Variants in MED13 observed in about 807,000 individuals in gnomAD.
MED13 encodes the protein mediator complex subunit 13, also known as mediator of RNA polymerase II transcription subunit 13.
MED13 carries 23 observed loss-of-function variants against 225.2 expected under a neutral mutation model. That is an observed-to-expected ratio of 0.10 (90% CI 0.07 to 0.14). MED13 has a LOEUF of 0.14. MED13 is among the 10% of genes least tolerant of loss of function. The probability of loss-of-function intolerance (pLI) is 1.00; values close to 1 mark genes in which losing one functional copy is unlikely to be tolerated. For missense variants in MED13, 2,197 were observed against 2,594.5 expected, an observed-to-expected ratio of 0.85 and a Z score of 3.33; for synonymous variants, 942 against 889.2, an observed-to-expected ratio of 1.06 and a Z score of -1.06.
intron 17 of MED13, 93 bp downstream of exon 17, chr17:61,972,634 T>A: frequency 8.3e-7 from 1 of 1,198,402 alleles, no homozygotes; most frequent in Non-Finnish European, 1.2e-6. Flanking sequence ...CACAAATATA[T>A]TTAAAGAAAA....
rs774354804 is a variant in MED13, at chr17:61,955,506, C to A, written c.5844G>T (p.Gln1948His). The A allele has an allele frequency of 6.3e-7, 1 of 1,594,902 alleles. No individual in the cohort carries two copies. Among genetic ancestry groups the A allele is most frequent in the African/African-American group, 1.4e-5 (1 of 73,966 alleles). ...ATGATGTATCCTGTGGGGTATTTAGCTGAGATGTCTGCATATTTAGAGTCG... is the reference window on the plus strand; with the variant it reads ...ATGATGTATCCTGTGGGGTATTTAGATGAGATGTCTGCATATTTAGAGTCG... ...RSTTLNMQTS[Q>H]LNTPQDTSCT... Residue 1948 changes from glutamine (Q) to histidine (H), a missense_variant, in exon 26 of 30, where the codon CAG (glutamine) becomes CAT (histidine). Physicochemically the swap from Gln to His is conservative, Grantham distance 24. Around this residue, in one of 12 missense-constraint regions of MED13, gnomAD observed 216 missense variants for 388.9 expected, o/e 0.56. Transcript: ENST00000397786.
At chr17:62,018,969 T>C (rs777099737) in intron 8 of MED13, among the ~76,000 whole-genome samples, 1 of 152,260 alleles carries the variant, frequency 6.6e-6, no homozygotes, top group Non-Finnish European at 1.5e-5. Flanking sequence ...ATTCAGTTAT[T>C]AGTGAAGTAC....
chr17:61,964,988 C>A lies in MED13; in HGVS notation c.4844+18G>T, dbSNP rs2080042618. Reference sequence around the variant, plus strand: ...ATAGTTTTTATATTTCTGCAAAAATCAGTATTTTTAAAGGTACCTTTCAGA... The same window carrying A: ...ATAGTTTTTATATTTCTGCAAAAATAAGTATTTTTAAAGGTACCTTTCAGA... On this transcript the variant is annotated intron_variant, in intron 20 of 29. Transcript: ENST00000397786. 1 of 1,587,894 alleles carries A rather than the reference C, an allele frequency of 6.3e-7. No homozygotes were observed. The highest frequency in any genetic ancestry group is 1.4e-5 in the African/African-American group (1 of 73,618).
At chr17:61,988,636 T>C (rs2080268446) in intron 11 of MED13, among the ~76,000 whole-genome samples, 1 of 152,182 alleles carries the variant, frequency 6.6e-6, no homozygotes, top group Non-Finnish European at 1.5e-5. Context: ...AAAGCTGAAC[T>C]ACAGGCACAA....
At chr17:62,041,061 C>G (rs2080848172) in intron 3 of MED13, among the ~76,000 whole-genome samples, 1 of 152,128 alleles carries the variant, frequency 6.6e-6, no homozygotes, top group African/African-American at 2.4e-5. Context: ...AAAGCAGGGA[C>G]TTGATGAGAG....
rs561927396 is a variant in MED13, at chr17:61,976,282, A to G, written c.3806-3394T>C. 1.6e-4 allele frequency among the ~76,000 whole-genome samples: 24 copies of G among 152,354 alleles called. No homozygotes were observed. In the South Asian group the frequency reaches 3.9e-3, roughly 25 times the overall value. ...AGATGAACCTTGAAAACATTATGGA[A>G]AGCGAAAAAAGCCAGTCACTGAAGA... On this transcript the variant is annotated intron_variant, in intron 16 of 29. Coordinates refer to ENST00000397786, the MANE Select transcript of MED13 (RefSeq NM_005121.3).
At chr17:61,975,532 C>T (rs1274541996) in intron 16 of MED13, among the ~76,000 whole-genome samples, 1 of 152,146 alleles carries the variant, frequency 6.6e-6, no homozygotes, top group Non-Finnish European at 1.5e-5. Context: ...GGTGCAGCTG[C>T]TATGGAAAAC....
chr17:62,061,643 A>G (rs1416539142), intron 2 of MED13, among the ~76,000 whole-genome samples: 2 of 152,262 alleles, frequency 1.3e-5, no homozygotes, highest in East Asian at 3.8e-4. Context: ...CTTAACGATT[A>G]AAATAACTCA....
chr17:62,045,612 G>A (rs557586218), intron 3 of MED13, among the ~76,000 whole-genome samples: 2 of 152,086 alleles, frequency 1.3e-5, no homozygotes, highest in South Asian at 2.1e-4. Flanking sequence ...TTATAGAAGA[G>A]ACTAAAACCT....
At chr17:62,064,511 T>C (rs1173813925) in intron 1 of MED13, among the ~76,000 whole-genome samples, 6 of 152,208 alleles carry the variant, frequency 3.9e-5, no homozygotes, top group African/African-American at 7.2e-5. Context: ...CATCATGTTC[T>C]AATAAAAGCA....
chr17:62,054,055 C>G (rs949248678), intron 2 of MED13, among the ~76,000 whole-genome samples: 3 of 152,036 alleles, frequency 2.0e-5, no homozygotes, highest in African/African-American at 7.2e-5. Context: ...GCCTGTAATC[C>G]TAGCACTTTG....
chr17:61,973,645 C>T (rs537920162), intron 16 of MED13, among the ~76,000 whole-genome samples: 1 of 152,228 alleles, frequency 6.6e-6, no homozygotes, highest in Admixed American at 6.5e-5. Context: ...TTCGTTATTA[C>T]CTTTGCCTAG....
At chr17:62,053,221 G>C (rs959263993) in intron 2 of MED13, among the ~76,000 whole-genome samples, 5 of 152,134 alleles carry the variant, frequency 3.3e-5, no homozygotes, top group African/African-American at 1.2e-4. Context: ...GAAGCTGTTG[G>C]CACAGAGCCT....
Position 61,984,334 on chromosome 17 carries a change from G to T in MED13, c.2725C>A (p.Gln909Lys). 6.3e-7 allele frequency: 1 copy of T among 1,596,952 alleles called. No individual in the cohort carries two copies. Among genetic ancestry groups the T allele is most frequent in the South Asian group, 1.1e-5 (1 of 87,936 alleles). Residue 909 changes from glutamine to lysine, a missense_variant, in exon 15 of 30, where the codon CAA becomes AAA. Physicochemically the swap from Gln to Lys is moderately conservative, Grantham distance 53. Transcript: ENST00000397786. ...FSYVYKPENC[Q>K]ILVGCSMFAP... Reference sequence around the variant, plus strand: ...AACATGGAACATCCCACTAGAATTTGACAATTTTCAGGCTTATAGACATAA... The same window carrying T: ...AACATGGAACATCCCACTAGAATTTTACAATTTTCAGGCTTATAGACATAA...
intron 3 of MED13, among the ~76,000 whole-genome samples, chr17:62,045,732 A>C (rs1427138570): frequency 6.6e-6 from 1 of 152,198 alleles, no homozygotes; most frequent in African/African-American, 2.4e-5. Flanking sequence ...CACCTAAACT[A>C]TTCAAGAAAA....
intron 5 of MED13, among the ~76,000 whole-genome samples, chr17:62,032,721 T>C (rs747085583): frequency 6.6e-6 from 1 of 152,214 alleles, no homozygotes; most frequent in Non-Finnish European, 1.5e-5. Context: ...AAGCTTTAAA[T>C]GTGCCTGCAG....
intron 11 of MED13, among the ~76,000 whole-genome samples, chr17:61,990,730 C>T (rs1266256288): frequency 6.6e-6 from 1 of 150,838 alleles, no homozygotes; most frequent in East Asian, 1.9e-4. Context: ...AATTATTTTA[C>T]AAGTTAAATG....
In MED13 at chr17:61,985,006, A is replaced by C; in HGVS notation, c.2470T>G (p.Cys824Gly). ...ACAGATGAGGGAAGCTTACTTATGCAAGATAACGGGTCCAGATTTCCTGTC... is the reference window on the plus strand; with the variant it reads ...ACAGATGAGGGAAGCTTACTTATGCCAGATAACGGGTCCAGATTTCCTGTC... ...SKTGNLDPLS[C>G]ISTADLHKMY... Residue 824 changes from cysteine (C) to glycine (G), a missense_variant, in exon 13 of 30, where the codon TGC becomes GGC. Coordinates refer to ENST00000397786, the MANE Select transcript of MED13 (RefSeq NM_005121.3). The C allele has an allele frequency of 6.2e-7, 1 of 1,613,740 alleles. No individual in the cohort carries two copies. The highest frequency in any genetic ancestry group is 2.2e-5 in the East Asian group (1 of 44,872).
Position 61,995,338 on chromosome 17 carries a change from T to G in MED13, c.1995A>C (p.Leu665Phe). 6.2e-7 allele frequency: 1 copy of G among 1,612,342 alleles called. No individual in the cohort carries two copies. Among genetic ancestry groups the G allele is most frequent in the Non-Finnish European group, 8.5e-7 (1 of 1,179,534 alleles). The change falls in exon 10 of 30, where the codon TTA (leucine) becomes TTC (phenylalanine). Residue 665 changes from leucine to phenylalanine, a missense_variant. Transcript: ENST00000397786. Reference sequence around the variant, plus strand: ...GCTGCACTAATTCATCAGAAACTTTTAAAGGTTTCTTACATTGCACCATTA... The same window carrying G: ...GCTGCACTAATTCATCAGAAACTTTGAAAGGTTTCTTACATTGCACCATTA... The part of the protein sequence containing the change: ...TELMVQCKKP[L>F]KVSDELVQQY...
Sources: allele counts gnomAD v4.1 joint callset (sites outside exome capture counted in the v4.1 genomes callset), GRCh38; gene constraint gnomAD v4.1.1; regional missense constraint gnomAD v4.1.1; transcripts MANE v1.5; gene names NCBI Gene and HGNC (gene_info 2026-07-23, HGNC 2026-07-21).